Variants in NMD3 observed in about 807,000 individuals in gnomAD.
NMD3 encodes the protein 60S ribosomal export protein NMD3.
In NMD3, 47 loss-of-function variants were observed where a neutral mutation model predicts 73.1. That is an observed-to-expected ratio of 0.64 (90% CI 0.51 to 0.82). The LOEUF (loss-of-function observed/expected upper bound fraction) is 0.82, where lower values mean the gene tolerates loss of function less well. Among genes scored for constraint, NMD3 ranks in the 40% least tolerant of loss-of-function variants. The probability of loss-of-function intolerance (pLI) is 0.00; values close to 1 mark genes in which losing one functional copy is unlikely to be tolerated. For synonymous variants in NMD3, 210 were observed against 194.5 expected (o/e 1.08, Z -0.66); for missense variants, 554 against 612.5 (o/e 0.90, Z 1.01).
intron 11 of NMD3, among the ~76,000 whole-genome samples, chr3:161,243,171 CTA>C (rs1737060426): frequency 6.6e-6 from 1 of 152,242 alleles, no homozygotes; most frequent in South Asian, 2.1e-4. Flanking sequence ...GTACCAAACT[CTA>C]TGTGTATTGT....
At chr3:161,232,136 CTTTT>C (rs11301799) in intron 4 of NMD3, among the ~76,000 whole-genome samples, 5 of 96,402 alleles carry the variant, frequency 5.2e-5, no homozygotes, top group African/African-American at 7.6e-5. Context: ...GCCTTTGGGG[CTTTT>C]TTTTTTTTTT....
At chr3:161,222,157 G>T (rs528257361) in intron 2 of NMD3, 100 bp downstream of exon 2, 8 of 914,042 alleles carry the variant, frequency 8.8e-6, no homozygotes, top group Middle Eastern at 2.2e-4. Flanking sequence ...GGGAAAGAGC[G>T]TATATTGTCA....
chr3:161,232,722 C>T (rs1191851412), intron 4 of NMD3, among the ~76,000 whole-genome samples: 1 of 152,144 alleles, frequency 6.6e-6, no homozygotes, highest in Non-Finnish European at 1.5e-5. Flanking sequence ...CTAGCCCTTG[C>T]ATCTGCTTTT....
chr3:161,237,363 A>G (rs2108088183), intron 7 of NMD3, among the ~76,000 whole-genome samples: 1 of 152,166 alleles, frequency 6.6e-6, no homozygotes, highest in Admixed American at 6.5e-5. Flanking sequence ...ATTTTTTGTC[A>G]ATATGATTAT....
At chr3:161,250,362 G>A (rs778148561) in intron 15 of NMD3, 36 bp downstream of exon 15, 7 of 1,181,312 alleles carry the variant, frequency 5.9e-6, no homozygotes, top group Non-Finnish European at 8.7e-6. Flanking sequence ...CATTTGTTCT[G>A]TATATAAGTA....
At chr3:161,224,108 A>G (rs1183873075) in intron 2 of NMD3, among the ~76,000 whole-genome samples, 1 of 152,228 alleles carries the variant, frequency 6.6e-6, no homozygotes. Flanking sequence ...CAAGATTTGT[A>G]TTCTTCATCA....
chr3:161,223,341 C>T (rs9847842), intron 2 of NMD3, among the ~76,000 whole-genome samples: 7,435 of 152,200 alleles, frequency 0.049, 471 homozygotes, highest in African/African-American at 0.14. Flanking sequence ...TGTTGTTCTA[C>T]ATTAGGGGTT....
intron 4 of NMD3, among the ~76,000 whole-genome samples, chr3:161,227,738 T>C (rs908154763): frequency 6.6e-5 from 10 of 152,048 alleles, no homozygotes. Context: ...TGAGCCACCA[T>C]GCTGGCCTCG....
intron 3 of NMD3, 24 bp downstream of exon 3, chr3:161,225,088 C>G: frequency 6.3e-7 from 1 of 1,596,876 alleles, no homozygotes; most frequent in Non-Finnish European, 8.5e-7. Context: ...CAATTTTGCT[C>G]TTTTTAAAGT....
At chr3:161,233,922 C>T (rs1736638406) in intron 5 of NMD3, among the ~76,000 whole-genome samples, 8 of 150,998 alleles carry the variant, frequency 5.3e-5, no homozygotes, top group Admixed American at 5.3e-4. Context: ...ACTGGTTGAA[C>T]ATCCCTAATT....
chr3:161,224,455 TTATC>T (rs1736228322), intron 2 of NMD3, among the ~76,000 whole-genome samples: 1 of 152,198 alleles, frequency 6.6e-6, no homozygotes, highest in Non-Finnish European at 1.5e-5. Flanking sequence ...GGGTTATTCT[TTATC>T]TACTGCATCT....
At chr3:161,233,628 A>G in intron 5 of NMD3, 149 bp downstream of exon 5, 1 of 520,100 alleles carries the variant, frequency 1.9e-6, no homozygotes, top group East Asian at 3.0e-5. Flanking sequence ...CATCTGTACA[A>G]ATAATTAGAT....
chr3:161,241,051 T>A lies in NMD3; in HGVS notation c.759T>A (p.Asn253Lys), dbSNP rs1736957634. Residue 253 changes from asparagine to lysine, a missense_variant, in exon 10 of 16, where the codon AAT becomes AAA. By Grantham distance (94) the Asn-to-Lys change is moderately conservative. Coordinates refer to ENST00000351193, the MANE Select transcript of NMD3 (RefSeq NM_015938.5). ...SVEIVPICKD[N>K]VVCLSPKLAQ... ...ATGTTAGTTCTTATGCCTAGGATAATGTTGTCTGTCTGTCTCCAAAACTGG... is the reference window on the plus strand; with the variant it reads ...ATGTTAGTTCTTATGCCTAGGATAAAGTTGTCTGTCTGTCTCCAAAACTGG... 6.2e-7 allele frequency: 1 copy of A among 1,602,972 alleles called. No homozygotes were observed. Among genetic ancestry groups the A allele is most frequent in the Non-Finnish European group, 8.5e-7 (1 of 1,171,228 alleles).
Position 161,227,332 on chromosome 3 carries a change from CCTCT to C in NMD3, c.266_269del (p.Pro89ArgfsTer7), listed in dbSNP as rs1281546316. On this transcript the variant is annotated frameshift_variant, in exon 4 of 16. Transcript: ENST00000351193. LOFTEE classifies it high-confidence loss of function. Reference sequence around the variant, plus strand: ...TTTGTGCTTGAAAAAAATCAAAGCCCCTCTGAGTAAGGTAAGTTAAACAGCTAAA... The same window carrying C: ...TTTGTGCTTGAAAAAAATCAAAGCCCGAGTAAGGTAAGTTAAACAGCTAAA... 3 of 1,597,090 alleles carry C rather than the reference CCTCT, an allele frequency of 1.9e-6. No individual in the cohort carries two copies. The highest frequency in any genetic ancestry group is 2.6e-6 in the Non-Finnish European group (3 of 1,167,654).
At chr3:161,252,668 A>G (rs753987162), downstream of NMD3, 52 of 521,938 alleles carry the variant, frequency 1.0e-4, no homozygotes, top group Admixed American at 1.3e-3. Context: ...CAAAGTTGTT[A>G]TGGCTTGGGA....
intron 4 of NMD3, among the ~76,000 whole-genome samples, chr3:161,231,241 T>C (rs1312951813): frequency 6.6e-6 from 1 of 152,176 alleles, no homozygotes; most frequent in African/African-American, 2.4e-5. Context: ...TTATATTAGC[T>C]TGAAAGATAT....
chr3:161,225,554 A>T (rs1358216417), intron 3 of NMD3, among the ~76,000 whole-genome samples: 2 of 152,234 alleles, frequency 1.3e-5, no homozygotes, highest in African/African-American at 4.8e-5. Flanking sequence ...GGTCTGAAAT[A>T]AAGATTGGAT....
chr3:161,250,256 G>C lies in NMD3; in HGVS notation c.1311G>C (p.Arg437Ser). Residue 437 changes from arginine (R) to serine (S), a missense_variant and splice_region_variant, in exon 15 of 16, where the codon AGG (arginine) becomes AGC (serine). Arg to Ser is a moderately radical substitution (Grantham distance 110, BLOSUM62 -1). Coordinates refer to ENST00000351193, the MANE Select transcript of NMD3 (RefSeq NM_015938.5). ...GAAATATTTAAATGTTTATTTAAAG[G>C]CAATACCAAGATTTTCTTGAAGATC... ...ERENMDTDDE[R>S]QYQDFLEDLE... 1 of 1,516,176 alleles carries C rather than the reference G, an allele frequency of 6.6e-7. No homozygotes were observed. The highest frequency in any genetic ancestry group is 9.1e-7 in the Non-Finnish European group (1 of 1,093,806). 93.9% of individuals were successfully genotyped at this position (1,516,176 alleles called of 1,614,324 possible).
At chr3:161,232,063 A>G (rs1449872679) in intron 4 of NMD3, among the ~76,000 whole-genome samples, 1 of 151,538 alleles carries the variant, frequency 6.6e-6, no homozygotes, top group Admixed American at 6.6e-5. Flanking sequence ...CAGGATGTCA[A>G]GGAGACTCTC....
Sources: allele counts gnomAD v4.1 joint callset (sites outside exome capture counted in the v4.1 genomes callset), GRCh38; gene constraint gnomAD v4.1.1; transcripts MANE v1.5; gene names NCBI Gene and HGNC (gene_info 2026-07-23, HGNC 2026-07-21).